The following SRRM3 variants were observed in gnomAD, a reference collection of about 807,000 sequenced individuals.
SRRM3 encodes serine/arginine repetitive matrix 3, also known as serine/arginine repetitive matrix protein 3.
A neutral mutation model predicts 66.2 loss-of-function variants in SRRM3; 27 were observed. The ratio of observed to expected loss-of-function variants is 0.41; its 90% CI spans 0.30 to 0.56. SRRM3 has a LOEUF of 0.56. SRRM3 is among the 20% of genes least tolerant of loss of function. The pLI is 0.32. For synonymous variants in SRRM3, 391 were observed against 414.9 expected, an observed-to-expected ratio of 0.94 and a Z score of 0.70; for missense variants, 918 against 991.9, an observed-to-expected ratio of 0.93 and a Z score of 1.00.
chr7:76,204,960 C>G (rs1049042180), intron 1 of SRRM3, among the ~76,000 whole-genome samples: 4 of 152,102 alleles, frequency 2.6e-5, no homozygotes, highest in African/African-American at 9.7e-5. Context: ...CTTCTCCCAG[C>G]TCCTTTCTCC....
chr7:76,281,611 G>A lies in SRRM3; in HGVS notation c.1179G>A (p.Arg393=), dbSNP rs868988660. Residue 393 remains arginine (R), a synonymous_variant, in exon 12 of 15, where the codon CGG becomes CGA. Coordinates refer to ENST00000611745, the MANE Select transcript of SRRM3 (RefSeq NM_001110199.3). ...AGRRRRRRRR[R]RRSRSSASAP... Reference sequence around the variant, plus strand: ...GGCGGCGGCGGCGGCGGCGTAGGCGGCGGCGCTCGCGGTCCTCGGCGTCCG... The same window carrying A: ...GGCGGCGGCGGCGGCGGCGTAGGCGACGGCGCTCGCGGTCCTCGGCGTCCG... 2 of 975,314 alleles carry A rather than the reference G, an allele frequency of 2.1e-6. No individual in the cohort carries two copies. The highest frequency in any genetic ancestry group is 9.2e-5 in the South Asian group (2 of 21,840). The allele number at this position is 975,314 out of a possible 1,614,324, so 60.4% of individuals were successfully genotyped here.
chr7:76,267,497 C>A, intron 11 of SRRM3, 62 bp downstream of exon 11: 1 of 591,306 alleles, frequency 1.7e-6, no homozygotes, highest in Non-Finnish European at 2.2e-6. Flanking sequence ...CGTGGTCGGG[C>A]GGGTCGCCAG....
At position 76,248,250 on chromosome 7, in the gene SRRM3, A is replaced by C; in HGVS notation, c.296A>C (p.Glu99Ala). The stretch of plus-strand genomic sequence containing the variant: ...TTCCGGCAGATGCTGATGGAGAAGG[A>C]GGGAGTGCTCACCAGGGAGGACCGG... ...GTFRQMLMEKEGVLTREDRPG... is the reference protein window; with the variant it reads ...GTFRQMLMEKAGVLTREDRPG... The change falls in exon 3 of 15, where the codon GAG becomes GCG. Residue 99 changes from glutamate (E) to alanine (A), a missense_variant. Coordinates refer to ENST00000611745, the MANE Select transcript of SRRM3 (RefSeq NM_001110199.3). The C allele has an allele frequency of 6.2e-7, 1 of 1,613,796 alleles. No homozygotes were observed. Among genetic ancestry groups the C allele is most frequent in the Non-Finnish European group, 8.5e-7 (1 of 1,179,836 alleles).
At chr7:76,218,332 G>A (rs782121546) in intron 1 of SRRM3, among the ~76,000 whole-genome samples, 3 of 152,154 alleles carry the variant, frequency 2.0e-5, no homozygotes, top group Non-Finnish European at 4.4e-5. Context: ...CACAGAGACC[G>A]CCACCTGCCA....
At position 76,261,400 on chromosome 7, in the gene SRRM3, G is replaced by A; in HGVS notation, c.624G>A (p.Lys208=). ...GCAAGAAGAAGAAGAGTGTGAAGAA[G>A]CATCGCCGAGACAGGTACCCTTGCT... The part of the protein sequence containing the change: ...PLRKKKKSVK[K]HRRDRSDSGS... Residue 208 remains lysine (K), a synonymous_variant, in exon 7 of 15, where the codon AAG becomes AAA. Transcript: ENST00000611745. 2 of 1,604,732 alleles carry A rather than the reference G, an allele frequency of 1.2e-6. No individual in the cohort carries two copies. Among genetic ancestry groups the A allele is most frequent in the Non-Finnish European group, 1.7e-6 (2 of 1,176,850 alleles).
At chr7:76,284,617 C>T (rs1802611630) in intron 14 of SRRM3, among the ~76,000 whole-genome samples, 1 of 152,130 alleles carries the variant, frequency 6.6e-6, no homozygotes, top group African/African-American at 2.4e-5. Context: ...GCTGGGGACG[C>T]CCCCAGACAG....
At position 76,283,113 on chromosome 7, in the gene SRRM3, C is replaced by T. The variant is rs1244890160; in HGVS notation, c.1733+12C>T. The T allele has an allele frequency of 4.2e-6, 6 of 1,420,020 alleles. No homozygotes were observed. Among genetic ancestry groups the T allele is most frequent in the African/African-American group, 1.5e-5 (1 of 67,636 alleles). The allele number at this position is 1,420,020 out of a possible 1,614,324, so 88.0% of individuals were successfully genotyped here. A position where few individuals can be genotyped will look rare whatever the true frequency, so the allele number is the denominator to read the frequency against. On this transcript the variant is annotated intron_variant, in intron 14 of 14. Coordinates refer to ENST00000611745, the MANE Select transcript of SRRM3 (RefSeq NM_001110199.3). Reference sequence around the variant, plus strand: ...CGGCGCATCACCAGGTATGGAGGGTCTTGGGGGGGCCGGTGGCGCAGGGCT... The same window carrying T: ...CGGCGCATCACCAGGTATGGAGGGTTTTGGGGGGGCCGGTGGCGCAGGGCT...
chr7:76,217,668 C>A (rs1554602734), intron 1 of SRRM3, among the ~76,000 whole-genome samples: 1 of 152,158 alleles, frequency 6.6e-6, no homozygotes, highest in East Asian at 1.9e-4. Flanking sequence ...TGCTTACAGG[C>A]TGGCACAATT....
Position 76,285,360 on chromosome 7 carries a change from A to G in SRRM3, c.1734-255A>G. 3.9e-6 allele frequency: 2 copies of G among 515,668 alleles called. No homozygotes were observed. The highest frequency in any genetic ancestry group is 6.9e-6 in the Non-Finnish European group (2 of 288,628). The allele number at this position is 515,668 out of a possible 1,614,324, so 31.9% of individuals were successfully genotyped here. A position where few individuals can be genotyped will look rare whatever the true frequency, so the allele number is the denominator to read the frequency against. ...ATTACAGGCGTGAGCCACCGCGCCC[A>G]GCCTCAACAAGTATTTATTAGCAGG... is the stretch of plus-strand genomic sequence containing the variant. On this transcript the variant is annotated intron_variant, in intron 14 of 14. Coordinates refer to ENST00000611745, the MANE Select transcript of SRRM3 (RefSeq NM_001110199.3). The surrounding 1 kb of genome is among the most constrained non-coding windows in gnomAD (Gnocchi z 4.1).
intron 11 of SRRM3, among the ~76,000 whole-genome samples, chr7:76,270,824 A>G (rs1270044745): frequency 2.6e-5 from 4 of 151,912 alleles, no homozygotes; most frequent in Non-Finnish European, 5.9e-5. Flanking sequence ...GGAAAAAAAA[A>G]AAAAATAGCC....
intron 3 of SRRM3, among the ~76,000 whole-genome samples, chr7:76,253,253 G>A (rs201187227): frequency 2.0e-5 from 3 of 151,938 alleles, no homozygotes; most frequent in South Asian, 4.2e-4. Context: ...TTGGGAGGCC[G>A]AGGTGGGTGG....
At chr7:76,244,451 G>A (rs1009492742) in intron 2 of SRRM3, among the ~76,000 whole-genome samples, 3 of 151,608 alleles carry the variant, frequency 2.0e-5, no homozygotes, top group African/African-American at 7.3e-5. Flanking sequence ...TTGAACCTGG[G>A]AGGCAGAGGT....
At position 76,255,148 on chromosome 7, in the gene SRRM3, C is replaced by CTTTTTTTTTTTTTTTTTTTTTTTT. The variant is rs57880700; in HGVS notation, c.336-4739_336-4738insTTTTTTTTTTTTTTTTTTTTTTTT. Among the ~76,000 whole-genome samples, 25 of 83,170 alleles carry CTTTTTTTTTTTTTTTTTTTTTTTT rather than the reference C, an allele frequency of 3.0e-4. 1 individual carries two copies. Among genetic ancestry groups the CTTTTTTTTTTTTTTTTTTTTTTTT allele is most frequent in the Non-Finnish European group, 4.4e-4 (22 of 50,320 alleles). 54.6% of individuals were successfully genotyped at this position (83,170 alleles called of 152,430 possible). ...CTTTTCTTTCTTTCTTTCTTTCTTT[C>CTTTTTTTTTTTTTTTTTTTTTTTT]TTTTTTTTTTTTTTTTTTTGAGATG... On this transcript the variant is annotated intron_variant, in intron 3 of 14. Transcript: ENST00000611745.
intron 1 of SRRM3, among the ~76,000 whole-genome samples, chr7:76,215,526 C>T (rs550412724): frequency 9.3e-5 from 14 of 151,100 alleles, no homozygotes; most frequent in East Asian, 3.9e-4. Flanking sequence ...CTCAGCCTCC[C>T]GAGTAGCTGG....
intron 3 of SRRM3, among the ~76,000 whole-genome samples, chr7:76,258,215 A>T (rs1370651703): frequency 3.3e-5 from 5 of 152,126 alleles, no homozygotes; most frequent in Admixed American, 3.3e-4. Context: ...GGGCCCCTGG[A>T]GGCTGCAGAG....
intron 12 of SRRM3, 90 bp from the exon 13 acceptor site, chr7:76,282,558 C>CCCCCAAA: frequency 1.7e-6 from 1 of 596,088 alleles, no homozygotes. Context: ...CCCGCCCCTC[C>CCCCCAAA]GCCCTAAGCC....
At chr7:76,250,322 C>A (rs929482847) in intron 3 of SRRM3, among the ~76,000 whole-genome samples, 1 of 152,158 alleles carries the variant, frequency 6.6e-6, no homozygotes, top group South Asian at 2.1e-4. Context: ...ACCTCTGCCC[C>A]CCGGGTTCAA....
intron 1 of SRRM3, among the ~76,000 whole-genome samples, chr7:76,206,887 C>T (rs928233886): frequency 2.0e-5 from 3 of 152,310 alleles, no homozygotes; most frequent in South Asian, 4.1e-4. Context: ...GACGGTGCCA[C>T]GGCTCCCTTA....
rs558286597 is a variant in SRRM3 at position 76,232,444 on chromosome 7, C to T, written c.-39-2584C>T. Among the ~76,000 whole-genome samples, 230 of 152,112 alleles carry T rather than the reference C, an allele frequency of 1.5e-3. 1 individual carries two copies. The highest frequency in any genetic ancestry group is 2.4e-3 in the Non-Finnish European group (160 of 67,986). ...AAAATTAGCCGGGCAAGGTGGCAGG[C>T]GCCTGTAATCCCAGCTACTCAGGAG... On this transcript the variant is annotated intron_variant, in intron 1 of 14. Coordinates refer to ENST00000611745, the MANE Select transcript of SRRM3 (RefSeq NM_001110199.3).
Sources: gnomAD v4.1 joint callset for allele counts (sites outside exome capture counted in the v4.1 genomes callset) on GRCh38, gnomAD v4.1.1 for gene constraint, Gnocchi (gnomAD v3.1) non-coding constraint, MANE v1.5 for transcripts, NCBI Gene and HGNC (gene_info 2026-07-23, HGNC 2026-07-21) for gene names.